Variants in MED13L observed in about 807,000 individuals in gnomAD.
MED13L encodes mediator of RNA polymerase II transcription subunit 13-like.
Under a neutral mutation model 220.9 loss-of-function variants are expected in MED13L, and 7 were observed. That is an observed-to-expected ratio of 0.03 (90% confidence interval 0.02 to 0.06). The LOEUF is 0.06. MED13L is among the 10% of genes least tolerant of loss of function. MED13L has a pLI of 1.00. For synonymous variants in MED13L, 1,011 were observed against 1,015.2 expected (o/e 1.00, Z 0.08); for missense variants, 1,965 against 2,760.5 (o/e 0.71, Z 6.46).
At position 116,106,611 on chromosome 12, in the gene MED13L, G is replaced by A. The variant is rs569365100; in HGVS notation, c.395+4817C>T. Among the ~76,000 whole-genome samples, 1,161 of 152,290 alleles carry A rather than the reference G, an allele frequency of 7.6e-3. 10 individuals carry two copies. Among genetic ancestry groups the A allele is most frequent in the African/African-American group, 0.026 (1,093 of 41,554 alleles). ...TGTAGTCCCAGCACTGTGGGAGGCC[G>A]AAGTGGGCAGATCACTTGAGGTAAG... is the stretch of plus-strand genomic sequence containing the variant. On this transcript the variant is annotated intron_variant, in intron 3 of 30. Transcript: ENST00000281928.
At position 115,991,377 on chromosome 12, in the gene MED13L, T is replaced by C. The variant is rs1878051269; in HGVS notation, c.3577A>G (p.Ile1193Val). The change falls in exon 17 of 31, where the codon ATT becomes GTT. Residue 1193 changes from isoleucine (I) to valine (V), a missense_variant. Ile to Val is a conservative substitution (Grantham distance 29, BLOSUM62 3). This residue lies in a region of MED13L where 165 missense variants were observed against 190.8 expected (regional missense o/e 0.86). Coordinates refer to ENST00000281928, the MANE Select transcript of MED13L (RefSeq NM_015335.5). The surrounding 1 kb of genome is among the most constrained non-coding windows in gnomAD (Gnocchi z 7.7). ...AAGCGCCTCTCTGCAGCCTGACCAA[T>C]ATCAGAATTCTTCCCAAAAATATCC... Reference protein sequence around the residue: ...ELDIFGKNSDIGQAAERRLMM... With the variant: ...ELDIFGKNSDVGQAAERRLMM... The C allele has an allele frequency of 6.2e-7, 1 of 1,613,940 alleles. No homozygotes were observed. The highest frequency in any genetic ancestry group is 1.1e-5 in the South Asian group (1 of 91,068).
intron 2 of MED13L, among the ~76,000 whole-genome samples, chr12:116,132,196 C>A (rs1342022185): frequency 6.8e-6 from 1 of 147,152 alleles, no homozygotes; most frequent in African/African-American, 2.5e-5. Flanking sequence ...TGAAGAATCA[C>A]TTGAACCTGA....
At position 116,007,646 on chromosome 12, in the gene MED13L, A is replaced by G. The variant is rs779894322; in HGVS notation, c.2013-10T>C. The G allele has an allele frequency of 3.6e-6, 2 of 561,520 alleles. No homozygotes were observed. Among genetic ancestry groups the G allele is most frequent in the Non-Finnish European group, 5.1e-6 (2 of 393,190 alleles). The allele number at this position is 561,520 out of a possible 1,614,324, so 34.8% of individuals were successfully genotyped here. On this transcript the variant is annotated splice_polypyrimidine_tract_variant and intron_variant, in intron 10 of 30. Transcript: ENST00000281928. Reference sequence around the variant, plus strand: ...AGGTTGTGCTAAGAGTCTAAAAGACAAAAAAAAAAAAAAAAAAAAGAGCAT... The same window carrying G: ...AGGTTGTGCTAAGAGTCTAAAAGACGAAAAAAAAAAAAAAAAAAAGAGCAT...
intron 4 of MED13L, among the ~76,000 whole-genome samples, chr12:116,037,334 T>C (rs1478541684): frequency 1.3e-5 from 2 of 152,212 alleles, no homozygotes; most frequent in Admixed American, 1.3e-4. Context: ...AACTTTGTTT[T>C]ATGCACAAAA....
chr12:116,104,572 A>C (rs2137860923), intron 3 of MED13L, among the ~76,000 whole-genome samples: 1 of 152,366 alleles, frequency 6.6e-6, no homozygotes, highest in Non-Finnish European at 1.5e-5. Flanking sequence ...ACAATCCATT[A>C]GTACAGCAGC....
intron 2 of MED13L, among the ~76,000 whole-genome samples, chr12:116,203,455 A>C (rs188477003): frequency 1.0e-3 from 153 of 152,102 alleles, no homozygotes; most frequent in African/African-American, 3.5e-3. Context: ...AAAATAAAAA[A>C]ACAGTCCAGT....
intron 2 of MED13L, among the ~76,000 whole-genome samples, chr12:116,150,965 G>A (rs1877990339): frequency 6.6e-6 from 1 of 152,066 alleles, no homozygotes; most frequent in Admixed American, 6.6e-5. Context: ...ACTACACTAG[G>A]CCCACAGTAG....
intron 2 of MED13L, among the ~76,000 whole-genome samples, chr12:116,172,575 T>C (rs1265819071): frequency 6.6e-6 from 1 of 152,200 alleles, no homozygotes; most frequent in Non-Finnish European, 1.5e-5. Context: ...TCGGGAATGC[T>C]AACAGCATGT....
intron 4 of MED13L, among the ~76,000 whole-genome samples, chr12:116,087,864 A>G (rs534732779): frequency 1.3e-5 from 2 of 152,334 alleles, no homozygotes; most frequent in African/African-American, 4.8e-5. Context: ...ATGTCTATAC[A>G]TTTTTTAAAA....
chr12:116,051,833 C>T (rs183946375), intron 4 of MED13L, among the ~76,000 whole-genome samples: 54 of 152,246 alleles, frequency 3.5e-4, no homozygotes, highest in Non-Finnish European at 7.1e-4. Context: ...AAAGTTACAA[C>T]TTTGGAGTAT....
In MED13L at chr12:115,983,362, A is replaced by G; in HGVS notation, c.4710T>C (p.Ser1570=). Residue 1570 remains serine, a synonymous_variant, in exon 21 of 31, where the codon TCT becomes TCC. Coordinates refer to ENST00000281928, the MANE Select transcript of MED13L (RefSeq NM_015335.5). ...CAGAACTACTTGCTGCAGGATTTGT[A>G]GAACTACTATTCGAGGTGGGATTAA... is the stretch of plus-strand genomic sequence containing the variant. ...SAFNPTSNSS[S]TNPAASSSAS... 1 of 1,614,208 alleles carries G rather than the reference A, an allele frequency of 6.2e-7. No homozygotes were observed. Among genetic ancestry groups the G allele is most frequent in the South Asian group, 1.1e-5 (1 of 91,088 alleles).
chr12:116,218,943 C>A (rs1883159990), intron 2 of MED13L, among the ~76,000 whole-genome samples: 1 of 152,108 alleles, frequency 6.6e-6, no homozygotes, highest in South Asian at 2.1e-4. Flanking sequence ...ACCATATTGC[C>A]CAGGCTGGTC....
chr12:116,024,765 TGGCGG>T (rs1566016649), intron 4 of MED13L, among the ~76,000 whole-genome samples: 2 of 8,996 alleles, frequency 2.2e-4, no homozygotes, highest in Non-Finnish European at 3.9e-4. Context: ...TGCTTTTTTT[TGGCGG>T]GGCGGGGGGG....
intron 3 of MED13L, among the ~76,000 whole-genome samples, chr12:116,105,247 C>A (rs1218766844): frequency 6.6e-6 from 1 of 152,052 alleles, no homozygotes; most frequent in Non-Finnish European, 1.5e-5. Context: ...ATCATAAATA[C>A]CTAACAAAAT....
intron 2 of MED13L, among the ~76,000 whole-genome samples, chr12:116,202,282 A>G (rs1304527093): frequency 1.3e-5 from 2 of 152,250 alleles, no homozygotes; most frequent in Non-Finnish European, 2.9e-5. Context: ...GGCTGTGTTC[A>G]GAAAGTTTCA....
At chr12:116,050,434 A>G (rs955787527) in intron 4 of MED13L, among the ~76,000 whole-genome samples, 5 of 152,222 alleles carry the variant, frequency 3.3e-5, no homozygotes, top group African/African-American at 1.2e-4. Flanking sequence ...ATGTGAAACT[A>G]AAAATGAACA....
chr12:116,145,697 A>ATTTTTG (rs1555216007), intron 2 of MED13L, among the ~76,000 whole-genome samples: 1 of 146,868 alleles, frequency 6.8e-6, no homozygotes, highest in Non-Finnish European at 1.5e-5. Context: ...TTATTTATTT[A>ATTTTTG]TTTATTTTAA....
intron 4 of MED13L, among the ~76,000 whole-genome samples, chr12:116,038,080 G>C (rs1231292923): frequency 1.3e-5 from 2 of 152,004 alleles, no homozygotes; most frequent in Non-Finnish European, 2.9e-5. Flanking sequence ...GAGTGTGTCT[G>C]ACAGAACACA....
At chr12:116,232,126 G>A (rs541279803) in intron 2 of MED13L, 12 of 984,946 alleles carry the variant, frequency 1.2e-5, no homozygotes, top group Middle Eastern at 1.0e-3. Flanking sequence ...TTTTACAATC[G>A]CCCACACCTC....
Sources: gnomAD v4.1 joint callset for allele counts (sites outside exome capture counted in the v4.1 genomes callset) on GRCh38, gnomAD v4.1.1 for gene constraint, gnomAD v4.1.1 regional missense constraint, Gnocchi (gnomAD v3.1) non-coding constraint, MANE v1.5 for transcripts, NCBI Gene and HGNC (gene_info 2026-07-23, HGNC 2026-07-21) for gene names.